Variants in CATSPERB observed in about 807,000 individuals in gnomAD.
The protein encoded by CATSPERB is cation channel sperm-associated auxiliary subunit beta.
In CATSPERB, 93 loss-of-function variants were observed where a neutral mutation model predicts 128.3. The ratio of observed to expected loss-of-function variants is 0.72; its 90% CI spans 0.61 to 0.86. The LOEUF is 0.86. Ranked by LOEUF, CATSPERB falls within the 40% of genes least tolerant of loss-of-function variation. The pLI is 0.00. For missense variants in CATSPERB, 1,153 were observed against 1,329.5 expected (o/e 0.87, Z 2.06); for synonymous variants, 381 against 448.8 (o/e 0.85, Z 1.91).
At position 91,621,743 on chromosome 14, in the gene CATSPERB, G is replaced by A. The variant is rs757900727; in HGVS notation, c.2125C>T (p.Arg709Ter). 9.9e-6 allele frequency: 16 copies of A among 1,613,882 alleles called. No individual in the cohort carries two copies. Among genetic ancestry groups the A allele is most frequent in the Admixed American group, 8.3e-5 (5 of 59,996 alleles). The change falls in exon 19 of 27, where the codon CGA (arginine) becomes TGA (stop). Residue 709 changes from arginine to a stop codon, truncating the protein, a stop_gained. Transcript: ENST00000256343. LOFTEE classifies it high-confidence loss of function. ...FLYNFGQRNGRTWKIYSKPCN... is the reference protein window; with the variant it reads ...FLYNFGQRNG ...GGTTTTGAATATATTTTCCATGTTC[G>A]TCCATTCCTTTGCCCAAAGTTGTAT...
chr14:91,647,620 T>C (rs759806829), intron 15 of CATSPERB, among the ~76,000 whole-genome samples: 1 of 152,190 alleles, frequency 6.6e-6, no homozygotes, highest in African/African-American at 2.4e-5. Flanking sequence ...ACATCTTACA[T>C]GGTAGCAGGC....
chr14:91,629,443 A>C (rs960065131), intron 17 of CATSPERB, among the ~76,000 whole-genome samples: 1 of 152,190 alleles, frequency 6.6e-6, no homozygotes, highest in African/African-American at 2.4e-5. Flanking sequence ...TGTGATGATG[A>C]ATACTTATCA....
intron 10 of CATSPERB, among the ~76,000 whole-genome samples, chr14:91,688,414 A>C (rs1895412715): frequency 1.3e-5 from 2 of 152,166 alleles, no homozygotes; most frequent in Non-Finnish European, 2.9e-5. Flanking sequence ...GGATATGCCT[A>C]CATTTTTTCA....
intron 2 of CATSPERB, among the ~76,000 whole-genome samples, 173 bp from the exon 3 acceptor site, chr14:91,725,341 T>C (rs1896102924): frequency 6.6e-6 from 1 of 152,226 alleles, no homozygotes; most frequent in African/African-American, 2.4e-5. Context: ...TTTTTACACA[T>C]ATGCTATAAG....
chr14:91,646,871 T>C (rs1566717202), intron 15 of CATSPERB, among the ~76,000 whole-genome samples: 1 of 152,264 alleles, frequency 6.6e-6, no homozygotes, highest in African/African-American at 2.4e-5. Flanking sequence ...CCCCCCTAGA[T>C]ACTCTTAATC....
At chr14:91,620,525 C>G (rs1370550436) in intron 19 of CATSPERB, among the ~76,000 whole-genome samples, 3 of 152,084 alleles carry the variant, frequency 2.0e-5, no homozygotes, top group Non-Finnish European at 4.4e-5. Flanking sequence ...CTCTTCCTAT[C>G]TCAGTTATTT....
intron 11 of CATSPERB, among the ~76,000 whole-genome samples, chr14:91,679,428 G>A (rs1241577530): frequency 6.6e-6 from 1 of 152,148 alleles, no homozygotes; most frequent in African/African-American, 2.4e-5. Context: ...AAGATAGAAA[G>A]TCTAAGCATG....
Position 91,636,537 on chromosome 14 carries a change from T to A in CATSPERB, c.1630A>T (p.Thr544Ser), listed in dbSNP as rs144163747. 13 of 1,613,700 alleles carry A rather than the reference T, an allele frequency of 8.1e-6. No individual in the cohort carries two copies. Among genetic ancestry groups the A allele is most frequent in the Admixed American group, 1.7e-5 (1 of 59,960 alleles). Residue 544 changes from threonine to serine, a missense_variant, in exon 17 of 27, where the codon ACC becomes TCC. Physicochemically the swap from Thr to Ser is moderately conservative, Grantham distance 58 (BLOSUM62 1). Transcript: ENST00000256343. ...AAAAAGATAATTTCATCTAAGGAGG[T>A]GTGCTGTGGGGCAAGCGCAGTCTCA... ...GFETALAPQH[T>S]SLDEIIFFAY...
At chr14:91,676,089 T>C (rs1308044998) in intron 11 of CATSPERB, among the ~76,000 whole-genome samples, 2 of 152,144 alleles carry the variant, frequency 1.3e-5, no homozygotes, top group East Asian at 3.8e-4. Context: ...TGAACTTAGA[T>C]TAAGGTTGAT....
At chr14:91,603,200 G>A in intron 22 of CATSPERB, 1 of 807,098 alleles carries the variant, frequency 1.2e-6, no homozygotes, top group South Asian at 1.3e-5. Context: ...TTCTTCATGA[G>A]GGTGTTTCAA....
chr14:91,630,589 C>T (rs1453473965), intron 17 of CATSPERB, among the ~76,000 whole-genome samples: 1 of 152,178 alleles, frequency 6.6e-6, no homozygotes, highest in Non-Finnish European at 1.5e-5. Context: ...TTTTTGATCA[C>T]TTTCTTGCTC....
At chr14:91,581,247 A>G (rs1893203050) in intron 26 of CATSPERB, 140 bp from the exon 27 acceptor site, 2 of 678,908 alleles carry the variant, frequency 2.9e-6, no homozygotes, top group Non-Finnish European at 5.0e-6. Flanking sequence ...CAAAGCTTGG[A>G]AACAGTCTCT....
intron 10 of CATSPERB, among the ~76,000 whole-genome samples, chr14:91,686,784 T>A (rs1436514138): frequency 1.3e-5 from 2 of 152,228 alleles, no homozygotes; most frequent in Non-Finnish European, 2.9e-5. Flanking sequence ...TCTGGACACA[T>A]AAAATTTCTA....
chr14:91,636,414 C>A lies in CATSPERB; in HGVS notation c.1742+11G>T. On this transcript the variant is annotated intron_variant, in intron 17 of 26. Transcript: ENST00000256343. ...AACCAATATGCCATCTAAATAAATG[C>A]ATATCACTACCCAGAGTGTATCACT... 6.2e-7 allele frequency: 1 copy of A among 1,609,750 alleles called. No homozygotes were observed. Among genetic ancestry groups the A allele is most frequent in the Non-Finnish European group, 8.5e-7 (1 of 1,177,866 alleles).
chr14:91,588,055 T>G lies in CATSPERB; in HGVS notation c.2980A>C (p.Lys994Gln). The G allele has an allele frequency of 6.2e-7, 1 of 1,608,840 alleles. No homozygotes were observed. The highest frequency in any genetic ancestry group is 1.1e-5 in the South Asian group (1 of 90,674). Reference sequence around the variant, plus strand: ...GGTTCTACTAATTGTTTCATTCTTTTAATATTTTCTGGCACAGTGTGTTCT... The same window carrying G: ...GGTTCTACTAATTGTTTCATTCTTTGAATATTTTCTGGCACAGTGTGTTCT... Reference protein sequence around the residue: ...KLKHTVPENIKRMKQLVEPIL... With the variant: ...KLKHTVPENIQRMKQLVEPIL... The change falls in exon 25 of 27, where the codon AAA (lysine) becomes CAA (glutamine). Residue 994 changes from lysine (K) to glutamine (Q), a missense_variant. Coordinates refer to ENST00000256343, the MANE Select transcript of CATSPERB (RefSeq NM_024764.4).
intron 15 of CATSPERB, among the ~76,000 whole-genome samples, chr14:91,639,679 C>T (rs1413888519): frequency 1.3e-5 from 2 of 152,148 alleles, no homozygotes; most frequent in Admixed American, 6.5e-5. Context: ...CCAAACTGGG[C>T]GTCCTGTGGT....
chr14:91,703,348 G>A (rs1195434944), intron 7 of CATSPERB, among the ~76,000 whole-genome samples: 1 of 152,086 alleles, frequency 6.6e-6, no homozygotes, highest in African/African-American at 2.4e-5. Flanking sequence ...CCTGCATGAT[G>A]GAGTGCTAGG....
At chr14:91,683,987 A>C in intron 10 of CATSPERB, 44 bp from the exon 11 acceptor site, 1 of 1,313,260 alleles carries the variant, frequency 7.6e-7, no homozygotes. Context: ...ATGTAGACTT[A>C]AGATATCTTA....
At chr14:91,601,039 A>G (rs1273633846) in intron 22 of CATSPERB, among the ~76,000 whole-genome samples, 1 of 152,234 alleles carries the variant, frequency 6.6e-6, no homozygotes, top group Non-Finnish European at 1.5e-5. Flanking sequence ...AGAATACAAC[A>G]CCTATGTTAA....
Sources: gnomAD v4.1 joint callset for allele counts (sites outside exome capture counted in the v4.1 genomes callset) on GRCh38, gnomAD v4.1.1 for gene constraint, MANE v1.5 for transcripts, NCBI Gene and HGNC (gene_info 2026-07-23, HGNC 2026-07-21) for gene names.